Variants in METAP1 observed in about 807,000 individuals in gnomAD.
METAP1 encodes the protein methionyl aminopeptidase 1, also known as methionine aminopeptidase 1.
In METAP1, 28 loss-of-function variants were observed where a neutral mutation model predicts 53.8. That is an observed-to-expected ratio of 0.52 (90% confidence interval 0.39 to 0.71). The LOEUF (loss-of-function observed/expected upper bound fraction) is 0.71. Ranked by LOEUF, METAP1 falls within the 30% of genes least tolerant of loss-of-function variation. METAP1 has a pLI of 0.00. For synonymous variants in METAP1, 181 were observed against 165.7 expected, an observed-to-expected ratio of 1.09 and a Z score of -0.71; for missense variants, 389 against 479.8, an observed-to-expected ratio of 0.81 and a Z score of 1.77.
At chr4:99,057,720 G>T (rs1727253561) in intron 9 of METAP1, 33 bp from the exon 10 acceptor site, 2 of 1,534,376 alleles carry the variant, frequency 1.3e-6, no homozygotes, top group Admixed American at 1.9e-5. Flanking sequence ...TGTTGGTTTT[G>T]CTACCTTTTG....
intron 1 of METAP1, chr4:99,025,557 TGAG>T: frequency 2.4e-6 from 2 of 845,342 alleles, no homozygotes; most frequent in Non-Finnish European, 2.8e-6. Context: ...AGGATTTTAA[TGAG>T]GAGCCAGAGC....
chr4:99,038,641 GT>G (rs1725611434), intron 4 of METAP1, among the ~76,000 whole-genome samples: 1 of 152,014 alleles, frequency 6.6e-6, no homozygotes, highest in Non-Finnish European at 1.5e-5. Flanking sequence ...TAGATTTTGA[GT>G]TAATTGCTAT....
chr4:99,044,565 T>C (rs1032649728), intron 7 of METAP1, among the ~76,000 whole-genome samples: 10 of 152,114 alleles, frequency 6.6e-5, no homozygotes, highest in African/African-American at 2.4e-4. Context: ...ATCTATATTG[T>C]GATGTTACAG....
At chr4:99,051,963 T>G (rs1218720830) in intron 9 of METAP1, among the ~76,000 whole-genome samples, 6 of 152,080 alleles carry the variant, frequency 3.9e-5, no homozygotes, top group Non-Finnish European at 5.9e-5. Flanking sequence ...AATCAATGGG[T>G]GGGAAGTAAT....
intron 1 of METAP1, among the ~76,000 whole-genome samples, chr4:99,006,126 T>C (rs1723167139): frequency 2.0e-5 from 3 of 152,234 alleles, no homozygotes; most frequent in Admixed American, 2.0e-4. Flanking sequence ...AGTTGTGTAT[T>C]ACTCATGAAC....
chr4:99,041,257 G>T, intron 6 of METAP1, 131 bp downstream of exon 6: 1 of 495,376 alleles, frequency 2.0e-6, no homozygotes, highest in Non-Finnish European at 3.5e-6. Flanking sequence ...GCAAATTTTT[G>T]CTTTGTTTCA....
At chr4:99,021,970 A>G (rs1579267698) in intron 1 of METAP1, among the ~76,000 whole-genome samples, 1 of 152,224 alleles carries the variant, frequency 6.6e-6, no homozygotes. Context: ...TATGGATTTA[A>G]GAAACTTTGT....
At chr4:99,031,613 G>A in intron 2 of METAP1, 1 of 1,272,300 alleles carries the variant, frequency 7.9e-7, no homozygotes, top group Non-Finnish European at 1.0e-6. Context: ...TTTGTGTGAG[G>A]ATTAAATAAA....
At chr4:99,006,647 A>G (rs1013325491) in intron 1 of METAP1, among the ~76,000 whole-genome samples, 1 of 152,192 alleles carries the variant, frequency 6.6e-6, no homozygotes, top group African/African-American at 2.4e-5. Flanking sequence ...TAATAGGCCA[A>G]TCTTACTTAA....
intron 5 of METAP1, among the ~76,000 whole-genome samples, chr4:99,040,340 T>A (rs1358925030): frequency 6.6e-6 from 1 of 152,196 alleles, no homozygotes; most frequent in Non-Finnish European, 1.5e-5. Flanking sequence ...TACATTGATA[T>A]TATTCATTTA....
At chr4:99,001,578 GTGTCA>G (rs1369756499) in intron 1 of METAP1, among the ~76,000 whole-genome samples, 1 of 152,142 alleles carries the variant, frequency 6.6e-6, no homozygotes, top group African/African-American at 2.4e-5. Context: ...TGTTTTGGTA[GTGTCA>G]TGTCATGGCT....
chr4:98,996,330 G>T lies in METAP1; in HGVS notation c.114+463G>T, dbSNP rs1722626261. On this transcript the variant is annotated intron_variant, in intron 1 of 10. Transcript: ENST00000296411. ...CTGGAGGCGCCGGGCCGTCCGTCGG[G>T]TCCCTGCGGGGTGGGGGGCTGAAGC... 2.6e-5 allele frequency among the ~76,000 whole-genome samples: 4 copies of T among 152,216 alleles called. No homozygotes were observed. The South Asian group carries it at 8.3e-4, about 31-fold the overall frequency.
chr4:99,018,671 G>T (rs961204106), intron 1 of METAP1, among the ~76,000 whole-genome samples: 1 of 152,168 alleles, frequency 6.6e-6, no homozygotes, highest in Non-Finnish European at 1.5e-5. Flanking sequence ...AGCGTGAGTG[G>T]TTTGAACTAT....
rs544779409 is a variant in METAP1 at position 99,027,396 on chromosome 4, T to G, written c.115-1471T>G. 9.5e-4 allele frequency among the ~76,000 whole-genome samples: 144 copies of G among 152,234 alleles called. 1 individual carries two copies. Among genetic ancestry groups the G allele is most frequent in the African/African-American group, 3.4e-3 (140 of 41,542 alleles). ...GATTTTTAGGGGAACTCAGTGGGCT[T>G]CAAGGACAAGTGGCCTGGGACAGTC... On this transcript the variant is annotated intron_variant, in intron 1 of 10. Coordinates refer to ENST00000296411, the MANE Select transcript of METAP1 (RefSeq NM_015143.3).
chr4:99,020,878 T>C (rs1316106994), intron 1 of METAP1, among the ~76,000 whole-genome samples: 2 of 152,202 alleles, frequency 1.3e-5, no homozygotes, highest in Admixed American at 6.5e-5. Context: ...TCATTTTCTT[T>C]CCAGTGTGTA....
chr4:99,061,444 C>T lies in METAP1; in HGVS notation c.*127C>T. The T allele has an allele frequency of 3.5e-6, 3 of 863,138 alleles. No individual in the cohort carries two copies. The South Asian group carries it at 6.1e-5, about 18-fold the overall frequency. 53.5% of individuals were successfully genotyped at this position (863,138 alleles called of 1,614,324 possible). A position where few individuals can be genotyped will look rare whatever the true frequency, so the allele number is the denominator to read the frequency against. On this transcript the variant is annotated 3_prime_UTR_variant, in exon 11 of 11. Coordinates refer to ENST00000296411, the MANE Select transcript of METAP1 (RefSeq NM_015143.3). The stretch of plus-strand genomic sequence containing the variant: ...TTTGACTATAGATAAGAAAGGACTA[C>T]AGCATTTGATGTGTGTCCTCAAGAA...
intron 8 of METAP1, among the ~76,000 whole-genome samples, chr4:99,047,947 C>A (rs1726389326): frequency 6.6e-6 from 1 of 152,182 alleles, no homozygotes. Context: ...AGTTTGAGAA[C>A]TATTTTTATG....
At chr4:99,024,404 T>C (rs1724401649) in intron 1 of METAP1, among the ~76,000 whole-genome samples, 1 of 152,168 alleles carries the variant, frequency 6.6e-6, no homozygotes, top group Non-Finnish European at 1.5e-5. Flanking sequence ...TGGCTCTTCC[T>C]GCTACAAGGG....
chr4:99,006,456 G>A (rs1723183276), intron 1 of METAP1, among the ~76,000 whole-genome samples: 1 of 152,132 alleles, frequency 6.6e-6, no homozygotes. Flanking sequence ...ATGTGTGCTT[G>A]TATGTGTATT....
Sources: allele counts gnomAD v4.1 joint callset (sites outside exome capture counted in the v4.1 genomes callset), GRCh38; gene constraint gnomAD v4.1.1; transcripts MANE v1.5; gene names NCBI Gene and HGNC (gene_info 2026-07-23, HGNC 2026-07-21).